Variants in CGNL1 observed in about 807,000 individuals in gnomAD.
CGNL1 encodes the protein cingulin-like protein 1.
Under a neutral mutation model 141.2 loss-of-function variants are expected in CGNL1, and 132 were observed. The observed-to-expected ratio is 0.93, with a 90% CI of 0.81 to 1.08. CGNL1 has a LOEUF of 1.08. Ranked by LOEUF, CGNL1 falls within the 50% of genes least tolerant of loss-of-function variation. The pLI is 0.00. For synonymous variants in CGNL1, 690 were observed against 622.1 expected (o/e 1.11, Z -1.63); for missense variants, 1,870 against 1,588.6 (o/e 1.18, Z -3.01).
chr15:57,438,792 C>T lies in CGNL1; in HGVS notation c.793C>T (p.His265Tyr). The T allele has an allele frequency of 1.2e-6, 2 of 1,614,196 alleles. No individual in the cohort carries two copies. Among genetic ancestry groups the T allele is most frequent in the Non-Finnish European group, 1.7e-6 (2 of 1,180,034 alleles). The change falls in exon 2 of 19, where the codon CAC becomes TAC. Residue 265 changes from histidine to tyrosine, a missense_variant. Physicochemically the swap from His to Tyr is moderately conservative, Grantham distance 83. Coordinates refer to ENST00000281282, the MANE Select transcript of CGNL1 (RefSeq NM_032866.5). ...RPLTAHSPHAHPETKKTRPDV... is the reference protein window; with the variant it reads ...RPLTAHSPHAYPETKKTRPDV... Reference sequence around the variant, plus strand: ...CCTGACTGCCCACAGCCCACATGCCCACCCTGAAACCAAGAAAACCAGGCC... The same window carrying T: ...CCTGACTGCCCACAGCCCACATGCCTACCCTGAAACCAAGAAAACCAGGCC...
At chr15:57,406,944 C>T (rs1437759026) in intron 1 of CGNL1, 1 of 152,220 alleles carries the variant, frequency 6.6e-6, no homozygotes, top group East Asian at 1.9e-4. Context: ...AAATTTATGA[C>T]TTTTGACTTA....
Position 57,524,832 on chromosome 15 carries a change from G to C in CGNL1, c.3039+81G>C, listed in dbSNP as rs1215523276. The C allele has an allele frequency of 2.8e-6, 4 of 1,409,752 alleles. No homozygotes were observed. In the African/African-American group the frequency reaches 5.7e-5, roughly 20 times the overall value. The allele number at this position is 1,409,752 out of a possible 1,614,324, so 87.3% of individuals were successfully genotyped here. A position where few individuals can be genotyped will look rare whatever the true frequency, so the allele number is the denominator to read the frequency against. Reference sequence around the variant, plus strand: ...CCTGAAAGTCTTCTGTGAGGGACTTGGGGGTAGATTCGTGAGACAGCTTTG... The same window carrying C: ...CCTGAAAGTCTTCTGTGAGGGACTTCGGGGTAGATTCGTGAGACAGCTTTG... On this transcript the variant is annotated intron_variant, in intron 12 of 18. Coordinates refer to ENST00000281282, the MANE Select transcript of CGNL1 (RefSeq NM_032866.5).
At chr15:57,453,600 A>T (rs2063345155) in intron 6 of CGNL1, 83 bp from the exon 7 acceptor site, 6 of 1,553,128 alleles carry the variant, frequency 3.9e-6, no homozygotes, top group South Asian at 1.2e-5. Context: ...GACTTGTGTA[A>T]CCCTCTGAAG....
At chr15:57,437,933 C>T in intron 1 of CGNL1, 52 bp from the exon 2 acceptor site, 2 of 1,427,856 alleles carry the variant, frequency 1.4e-6, no homozygotes, top group Non-Finnish European at 1.9e-6. Context: ...TTCATTTAAA[C>T]AGATGTAATT....
intron 8 of CGNL1, among the ~76,000 whole-genome samples, chr15:57,511,579 C>T (rs1171161459): frequency 1.3e-5 from 2 of 152,224 alleles, no homozygotes; most frequent in Non-Finnish European, 2.9e-5. Context: ...TTTCTAGCCC[C>T]ACCAGCAATC....
At chr15:57,425,187 G>C (rs1036302897) in intron 1 of CGNL1, among the ~76,000 whole-genome samples, 1 of 152,098 alleles carries the variant, frequency 6.6e-6, no homozygotes, top group African/African-American at 2.4e-5. Flanking sequence ...CTGCTTGTAG[G>C]AAGCTATTTT....
At chr15:57,533,593 C>T (rs114753744) in intron 14 of CGNL1, among the ~76,000 whole-genome samples, 1 of 152,170 alleles carries the variant, frequency 6.6e-6, no homozygotes. Flanking sequence ...GAGGCCGTTA[C>T]AACAGACCTT....
At chr15:57,536,934 G>T (rs2140207737) in intron 14 of CGNL1, among the ~76,000 whole-genome samples, 1 of 152,308 alleles carries the variant, frequency 6.6e-6, no homozygotes, top group Non-Finnish European at 1.5e-5. Context: ...CCATTCCCAA[G>T]TTAAAAGTGG....
At chr15:57,402,625 C>G (rs1289669746) in intron 1 of CGNL1, 2 of 152,260 alleles carry the variant, frequency 1.3e-5, no homozygotes, top group African/African-American at 4.8e-5. Flanking sequence ...CAGAACCTAA[C>G]CTAATGAATA....
At chr15:57,487,383 G>T (rs779827578) in intron 8 of CGNL1, among the ~76,000 whole-genome samples, 1 of 151,942 alleles carries the variant, frequency 6.6e-6, no homozygotes, top group Non-Finnish European at 1.5e-5. Flanking sequence ...AGGTAAAAGA[G>T]GAGGATTGGT....
intron 1 of CGNL1, among the ~76,000 whole-genome samples, chr15:57,436,001 C>T (rs937108572): frequency 6.6e-6 from 1 of 152,158 alleles, no homozygotes; most frequent in Non-Finnish European, 1.5e-5. Flanking sequence ...AATAAAGACC[C>T]TCCAAACAAA....
chr15:57,453,981 C>G (rs1294630799), intron 7 of CGNL1, among the ~76,000 whole-genome samples, 163 bp downstream of exon 7: 2 of 152,202 alleles, frequency 1.3e-5, no homozygotes, highest in Non-Finnish European at 2.9e-5. Context: ...TCTCTCCTCT[C>G]AGCTTGGCAT....
At chr15:57,527,412 C>G (rs72741506) in intron 12 of CGNL1, 10,826 of 152,346 alleles carry the variant, frequency 0.071, 488 homozygotes, top group Non-Finnish European at 0.093. Context: ...TTCATATACT[C>G]TGAAGGAAAC....
intron 8 of CGNL1, among the ~76,000 whole-genome samples, chr15:57,481,598 C>G (rs1045956010): frequency 2.6e-5 from 4 of 152,144 alleles, no homozygotes; most frequent in Non-Finnish European, 5.9e-5. Flanking sequence ...CATTGAAGGA[C>G]TTATGGGATG....
chr15:57,489,939 A>G (rs2063835386), intron 8 of CGNL1, among the ~76,000 whole-genome samples: 1 of 152,190 alleles, frequency 6.6e-6, no homozygotes, highest in Admixed American at 6.5e-5. Context: ...TTACTAGAAA[A>G]ATAAAAACAG....
intron 8 of CGNL1, among the ~76,000 whole-genome samples, chr15:57,495,587 C>T (rs754623809): frequency 6.6e-6 from 1 of 152,112 alleles, no homozygotes. Flanking sequence ...AATAATCAGC[C>T]CTAGGGACTC....
chr15:57,440,227 G>A (rs554142055), intron 2 of CGNL1, 150 bp from the exon 3 acceptor site: 8 of 614,680 alleles, frequency 1.3e-5, no homozygotes, highest in African/African-American at 7.4e-5. Flanking sequence ...AAATTGAGGC[G>A]AGGAGAAGTT....
intron 7 of CGNL1, among the ~76,000 whole-genome samples, chr15:57,460,404 T>C (rs2063430579): frequency 1.3e-5 from 2 of 152,188 alleles, no homozygotes; most frequent in South Asian, 2.1e-4. Flanking sequence ...TGGTGAAGTT[T>C]GGCAGGTAGC....
chr15:57,531,834 G>A, intron 14 of CGNL1, 55 bp downstream of exon 14: 1 of 1,153,946 alleles, frequency 8.7e-7, no homozygotes, highest in Non-Finnish European at 1.3e-6. Context: ...AAAGGAACAT[G>A]AGGGGTTAAT....
Sources: gnomAD v4.1 joint callset for allele counts (sites outside exome capture counted in the v4.1 genomes callset) on GRCh38, gnomAD v4.1.1 for gene constraint, MANE v1.5 for transcripts, NCBI Gene and HGNC (gene_info 2026-07-23, HGNC 2026-07-21) for gene names.